The following GLIPR1L1 variants were observed in gnomAD, a reference collection of about 807,000 sequenced individuals.
GLIPR1L1 encodes GLIPR1 like 1.
In GLIPR1L1, 26 loss-of-function variants were observed where a neutral mutation model predicts 29.9. That is an observed-to-expected ratio of 0.87 (90% CI 0.64 to 1.21). The LOEUF (loss-of-function observed/expected upper bound fraction) is 1.21, where lower values mean the gene tolerates loss of function less well. GLIPR1L1 is among the 50% of genes most tolerant of loss of function. GLIPR1L1 has a pLI of 0.00. For missense variants in GLIPR1L1, 305 were observed against 290.3 expected, an observed-to-expected ratio of 1.05 and a Z score of -0.37; for synonymous variants, 77 against 97.5, an observed-to-expected ratio of 0.79 and a Z score of 1.24.
At chr12:75,365,984 C>T (rs2043937183) in intron 4 of GLIPR1L1, among the ~76,000 whole-genome samples, 1 of 151,958 alleles carries the variant, frequency 6.6e-6, no homozygotes, top group Non-Finnish European at 1.5e-5. Flanking sequence ...ATAATATTTG[C>T]CAGGGATAAA....
intron 3 of GLIPR1L1, among the ~76,000 whole-genome samples, chr12:75,355,775 CA>C (rs1419293062): frequency 6.6e-6 from 1 of 152,134 alleles, no homozygotes; most frequent in Non-Finnish European, 1.5e-5. Flanking sequence ...GGTACATATA[CA>C]ACATGGAATA....
In GLIPR1L1 at chr12:75,356,974, G is replaced by T. The variant is rs551015514; in HGVS notation, c.522-6128G>T. On this transcript the variant is annotated intron_variant, in intron 3 of 5. Coordinates refer to ENST00000378695, the MANE Select transcript of GLIPR1L1 (RefSeq NM_001304964.2). Reference sequence around the variant, plus strand: ...GGCTGATGTGGGAGAATCATTTGAGGCAAGAAATTCAAGACCAGCCCTAGC... The same window carrying T: ...GGCTGATGTGGGAGAATCATTTGAGTCAAGAAATTCAAGACCAGCCCTAGC... Among the ~76,000 whole-genome samples the T allele has an allele frequency of 2.0e-5, 3 of 152,132 alleles. No individual in the cohort carries two copies. The East Asian group carries it at 5.8e-4, about 29-fold the overall frequency.
chr12:75,348,929 TGA>T, intron 3 of GLIPR1L1, among the ~76,000 whole-genome samples: 1 of 152,180 alleles, frequency 6.6e-6, no homozygotes, highest in East Asian at 1.9e-4. Context: ...CCTGTCTCAG[TGA>T]GAGTGTTCAG....
chr12:75,334,862 G>C lies in GLIPR1L1; in HGVS notation c.134G>C (p.Arg45Pro). ...DNCIEAHNEW[R>P]GKVNPPAADM... ...TGCATAGAAGCCCACAACGAATGGCGTGGCAAAGTCAACCCTCCCGCGGCC... is the reference window on the plus strand; with the variant it reads ...TGCATAGAAGCCCACAACGAATGGCCTGGCAAAGTCAACCCTCCCGCGGCC... Residue 45 changes from arginine to proline, a missense_variant, in exon 1 of 6, where the codon CGT (arginine) becomes CCT (proline). Transcript: ENST00000378695. The C allele has an allele frequency of 1.2e-6, 2 of 1,614,120 alleles. No individual in the cohort carries two copies. Among genetic ancestry groups the C allele is most frequent in the South Asian group, 1.1e-5 (1 of 91,074 alleles).
chr12:75,353,906 A>G (rs11522897), intron 3 of GLIPR1L1, among the ~76,000 whole-genome samples: 16,049 of 152,238 alleles, frequency 0.11, 1,103 homozygotes, highest in Non-Finnish European at 0.15. Flanking sequence ...GATTATCTCA[A>G]TAGATGCCAA....
At chr12:75,360,332 A>G (rs2043489342) in intron 3 of GLIPR1L1, 1 of 152,182 alleles carries the variant, frequency 6.6e-6, no homozygotes, top group Non-Finnish European at 1.5e-5. Context: ...TCCATAATCC[A>G]AAGTCTCATC....
chr12:75,339,314 C>T (rs2041946142), intron 1 of GLIPR1L1, among the ~76,000 whole-genome samples: 1 of 152,090 alleles, frequency 6.6e-6, no homozygotes, highest in African/African-American at 2.4e-5. Context: ...AAGATGGTAT[C>T]CAATTGTGGT....
chr12:75,365,123 G>T (rs2043878882), intron 4 of GLIPR1L1: 1 of 152,136 alleles, frequency 6.6e-6, no homozygotes, highest in African/African-American at 2.4e-5. Context: ...CCTGGGCCTA[G>T]AGGGAAGGTG....
At chr12:75,365,949 C>T (rs566555049) in intron 4 of GLIPR1L1, among the ~76,000 whole-genome samples, 16 of 152,144 alleles carry the variant, frequency 1.1e-4, no homozygotes, top group Admixed American at 9.2e-4. Context: ...AGTTTTATAA[C>T]CCTTATGCAA....
At chr12:75,337,493 G>A (rs1326025557) in intron 1 of GLIPR1L1, among the ~76,000 whole-genome samples, 4 of 151,756 alleles carry the variant, frequency 2.6e-5, no homozygotes, top group Non-Finnish European at 5.9e-5. Flanking sequence ...ACAACATAAA[G>A]AAAATAAATG....
At chr12:75,369,813 G>A (rs2044239745) in intron 4 of GLIPR1L1, 147 bp from the exon 5 acceptor site, 2 of 1,295,560 alleles carry the variant, frequency 1.5e-6, no homozygotes, top group African/African-American at 1.5e-5. Context: ...AGTACTGTAG[G>A]ATTGAGTAGG....
chr12:75,363,883 G>A (rs2043787420), intron 4 of GLIPR1L1, among the ~76,000 whole-genome samples: 1 of 152,124 alleles, frequency 6.6e-6, no homozygotes, highest in Admixed American at 6.6e-5. Flanking sequence ...ATGTACATTA[G>A]TTCTGTCCAG....
rs978603224 is a variant in GLIPR1L1, at chr12:75,335,877, T to C, written c.174+975T>C. Among the ~76,000 whole-genome samples the C allele has an allele frequency of 2.0e-5, 3 of 151,970 alleles. 1 individual carries two copies. Among genetic ancestry groups the C allele is most frequent in the Non-Finnish European group, 4.4e-5 (3 of 67,874 alleles). ...CAACGGAATTCAGAAATACTAATAT[T>C]AGTATTAATATGGTTGATGCCTTTA... On this transcript the variant is annotated intron_variant, in intron 1 of 5. Coordinates refer to ENST00000378695, the MANE Select transcript of GLIPR1L1 (RefSeq NM_001304964.2).
At chr12:75,336,595 C>A (rs568422544) in intron 1 of GLIPR1L1, among the ~76,000 whole-genome samples, 31 of 151,524 alleles carry the variant, frequency 2.0e-4, no homozygotes, top group Admixed American at 2.0e-3. Context: ...AGGGCTAATT[C>A]AACAAAAGAC....
In GLIPR1L1 at chr12:75,343,921, T is replaced by C; in HGVS notation, c.403T>C (p.Cys135Arg). ...DFDSLSCSRV[C>R]GHYTQLVWAN... is the part of the protein sequence containing the mutation. The stretch of plus-strand genomic sequence containing the variant: ...TGATAGTCTATCATGCTCCAGAGTC[T>C]GTGGCCATTATACACAGGTAAATAT... The change falls in exon 2 of 6, where the codon TGT (cysteine) becomes CGT (arginine). Residue 135 changes from cysteine (C) to arginine (R), a missense_variant. Cys to Arg is a radical substitution (Grantham distance 180). Coordinates refer to ENST00000378695, the MANE Select transcript of GLIPR1L1 (RefSeq NM_001304964.2). The C allele has an allele frequency of 1.2e-6, 2 of 1,610,162 alleles. No individual in the cohort carries two copies. The highest frequency in any genetic ancestry group is 1.7e-6 in the Non-Finnish European group (2 of 1,177,176).
At chr12:75,341,946 C>A (rs2042150549) in intron 1 of GLIPR1L1, among the ~76,000 whole-genome samples, 1 of 151,956 alleles carries the variant, frequency 6.6e-6, no homozygotes, top group South Asian at 2.1e-4. Context: ...TGGGGTTTCA[C>A]CCTGTTGGCC....
At chr12:75,340,082 T>A (rs1490493624) in intron 1 of GLIPR1L1, among the ~76,000 whole-genome samples, 1 of 151,894 alleles carries the variant, frequency 6.6e-6, no homozygotes, top group African/African-American at 2.4e-5. Context: ...GCCATTATTT[T>A]GTTCCTTTTT....
intron 4 of GLIPR1L1, among the ~76,000 whole-genome samples, chr12:75,368,966 T>C (rs1012390847): frequency 2.0e-5 from 3 of 152,014 alleles, no homozygotes; most frequent in African/African-American, 4.8e-5. Flanking sequence ...ACTTCATGTG[T>C]AGTTATGTTT....
chr12:75,368,506 A>G (rs1475380117), intron 4 of GLIPR1L1, among the ~76,000 whole-genome samples: 2 of 151,582 alleles, frequency 1.3e-5, no homozygotes, highest in Non-Finnish European at 2.9e-5. Flanking sequence ...ATGCCCCAGG[A>G]ATACAATATT....
Sources: allele counts gnomAD v4.1 joint callset (sites outside exome capture counted in the v4.1 genomes callset), GRCh38; gene constraint gnomAD v4.1.1; transcripts MANE v1.5; gene names NCBI Gene and HGNC (gene_info 2026-07-23, HGNC 2026-07-21).